The following CYP4Z1 variants were observed in gnomAD, a reference collection of about 807,000 sequenced individuals.
CYP4Z1 encodes cytochrome P450 4Z1.
A neutral mutation model predicts 54.2 loss-of-function variants in CYP4Z1; 41 were observed. The observed-to-expected ratio is 0.76, with a 90% confidence interval of 0.59 to 0.98. The LOEUF (loss-of-function observed/expected upper bound fraction) is 0.98, where lower values mean the gene tolerates loss of function less well. Among genes scored for constraint, CYP4Z1 ranks in the 50% least tolerant of loss-of-function variants. CYP4Z1 has a pLI of 0.00. For synonymous variants in CYP4Z1, 163 were observed against 206.2 expected (o/e 0.79, Z 1.79); for missense variants, 513 against 599.0 (o/e 0.86, Z 1.50).
intron 2 of CYP4Z1, among the ~76,000 whole-genome samples, chr1:47,074,417 G>A (rs560380456): frequency 6.6e-6 from 1 of 151,316 alleles, no homozygotes; most frequent in Non-Finnish European, 1.5e-5. Flanking sequence ...CTGGTTTTCT[G>A]TTCCTACATT....
chr1:47,079,444 A>G (rs1301629117), intron 2 of CYP4Z1, among the ~76,000 whole-genome samples: 1 of 152,150 alleles, frequency 6.6e-6, no homozygotes, highest in Non-Finnish European at 1.5e-5. Context: ...TTCCTAATCC[A>G]CCATTTTTCC....
At chr1:47,062,779 G>A (rs1016074572), upstream of CYP4Z1, among the ~76,000 whole-genome samples, 1 of 151,758 alleles carries the variant, frequency 6.6e-6, no homozygotes. Context: ...AAAGACGAAG[G>A]TCATAATCAC....
intron 10 of CYP4Z1, among the ~76,000 whole-genome samples, chr1:47,116,100 G>A (rs910944515): frequency 3.3e-5 from 5 of 151,972 alleles, no homozygotes; most frequent in African/African-American, 1.2e-4. Context: ...CACACTCCTG[G>A]GCTGCAAACC....
At chr1:47,114,686 C>T (rs1026937849) in intron 9 of CYP4Z1, among the ~76,000 whole-genome samples, 10 of 152,190 alleles carry the variant, frequency 6.6e-5, no homozygotes, top group African/African-American at 1.2e-4. Flanking sequence ...CCAACAGACA[C>T]ATGAAAAAAT....
chr1:47,090,778 T>TGATTTGAGTGC (rs1553156162), intron 6 of CYP4Z1, among the ~76,000 whole-genome samples: 2 of 149,264 alleles, frequency 1.3e-5, no homozygotes, highest in Non-Finnish European at 3.0e-5. Flanking sequence ...GACTTGAGTG[T>TGATTTGAGTGC]GATGTATCCA....
At chr1:47,093,476 G>C (rs569811724) in intron 6 of CYP4Z1, among the ~76,000 whole-genome samples, 5 of 152,324 alleles carry the variant, frequency 3.3e-5, no homozygotes, top group South Asian at 2.1e-4. Context: ...CAAAATATGA[G>C]AGACTGTGTC....
intron 2 of CYP4Z1, among the ~76,000 whole-genome samples, chr1:47,079,487 C>T (rs534813676): frequency 6.6e-6 from 1 of 152,260 alleles, no homozygotes; most frequent in East Asian, 1.9e-4. Context: ...TTTTTAGGAC[C>T]CTGGAATGTC....
intron 8 of CYP4Z1, among the ~76,000 whole-genome samples, chr1:47,105,667 A>C (rs185401732): frequency 1.3e-5 from 2 of 152,258 alleles, no homozygotes; most frequent in Admixed American, 1.3e-4. Context: ...AAGTGTAATT[A>C]TCTACTTGCT....
chr1:47,113,421 T>C (rs1644807101), intron 9 of CYP4Z1, among the ~76,000 whole-genome samples: 1 of 152,218 alleles, frequency 6.6e-6, no homozygotes, highest in South Asian at 2.1e-4. Context: ...TATTACCATG[T>C]GTTGCAATTG....
chr1:47,076,844 CA>C (rs59854360), intron 2 of CYP4Z1, among the ~76,000 whole-genome samples: 59,961 of 81,384 alleles, frequency 0.74, 21,949 homozygotes, highest in Middle Eastern at 0.79. Context: ...GACGCTGTCT[CA>C]AAAAAAAAAA....
At chr1:47,061,453 A>G in the CYP4Z1 span, among the ~76,000 whole-genome samples, 1 of 152,208 alleles carries the variant, frequency 6.6e-6, no homozygotes, top group South Asian at 2.1e-4. Context: ...AAATTTCTGG[A>G]CACATACACC....
At chr1:47,055,594 A>T in the CYP4Z1 span, among the ~76,000 whole-genome samples, 1 of 152,152 alleles carries the variant, frequency 6.6e-6, no homozygotes, top group East Asian at 1.9e-4. Context: ...CCTCAATTTC[A>T]GAGCCTGTTA....
intron 9 of CYP4Z1, among the ~76,000 whole-genome samples, chr1:47,112,086 T>A (rs1210366313): frequency 1.3e-5 from 2 of 151,756 alleles, no homozygotes; most frequent in East Asian, 3.9e-4. Context: ...AAGAGTAAAC[T>A]AAAAGGAAAC....
At chr1:47,059,857 CT>C in the CYP4Z1 span, among the ~76,000 whole-genome samples, 17 of 152,278 alleles carry the variant, frequency 1.1e-4, no homozygotes, top group African/African-American at 3.4e-4. Flanking sequence ...TTCAGCCTGA[CT>C]GTGAGTTTTA....
At chr1:47,073,632 G>A (rs1557621202) in intron 2 of CYP4Z1, among the ~76,000 whole-genome samples, 2 of 152,230 alleles carry the variant, frequency 1.3e-5, no homozygotes, top group East Asian at 3.8e-4. Context: ...ATGAGCCAAC[G>A]CACCAGGCCA....
In CYP4Z1 at chr1:47,117,943, C is replaced by G; in HGVS notation, c.*9C>G. The stretch of plus-strand genomic sequence containing the variant: ...CAAAAAAAGTTTGCTAATTTTAAGT[C>G]CTTTCGTATAAGAATTAATGAGACA... On this transcript the variant is annotated 3_prime_UTR_variant, in exon 12 of 12. Transcript: ENST00000334194. 1 of 1,611,898 alleles carries G rather than the reference C, an allele frequency of 6.2e-7. No homozygotes were observed. The highest frequency in any genetic ancestry group is 8.5e-7 in the Non-Finnish European group (1 of 1,178,946).
At chr1:47,082,169 T>C (rs899543082) in intron 3 of CYP4Z1, among the ~76,000 whole-genome samples, 165 bp from the exon 4 acceptor site, 4 of 152,080 alleles carry the variant, frequency 2.6e-5, no homozygotes, top group African/African-American at 9.7e-5. Context: ...GATTTGGACT[T>C]AATTCCCAAA....
intron 6 of CYP4Z1, among the ~76,000 whole-genome samples, chr1:47,092,136 C>T (rs1426745458): frequency 6.6e-6 from 1 of 151,938 alleles, no homozygotes; most frequent in Non-Finnish European, 1.5e-5. Flanking sequence ...TGATCTGTGC[C>T]ACAGGCTGGA....
intron 10 of CYP4Z1, 50 bp from the exon 11 acceptor site, chr1:47,116,600 G>A (rs750974143): frequency 8.2e-7 from 1 of 1,222,774 alleles, no homozygotes; most frequent in Non-Finnish European, 1.2e-6. Flanking sequence ...TTTGTTTTTT[G>A]TGGGGGTGGG....
Sources: allele counts gnomAD v4.1 joint callset (sites outside exome capture counted in the v4.1 genomes callset), GRCh38; gene constraint gnomAD v4.1.1; transcripts MANE v1.5; gene names NCBI Gene and HGNC (gene_info 2026-07-23, HGNC 2026-07-21).